Variants in ZNF438 observed in about 807,000 individuals in gnomAD.
ZNF438 encodes the protein zinc finger protein 438.
A neutral mutation model predicts 38.0 loss-of-function variants in ZNF438; 25 were observed. The observed-to-expected ratio is 0.66, with a 90% CI of 0.48 to 0.92. The LOEUF is 0.92. Among genes scored for constraint, ZNF438 ranks in the 40% least tolerant of loss-of-function variants. ZNF438 has a pLI of 0.00. For missense variants in ZNF438, 1,007 were observed against 999.6 expected (o/e 1.01, Z -0.10); for synonymous variants, 372 against 364.1 (o/e 1.02, Z -0.25).
At chr10:30,973,943 A>G (rs1388401622) in intron 1 of ZNF438, among the ~76,000 whole-genome samples, 1 of 152,218 alleles carries the variant, frequency 6.6e-6, no homozygotes, top group African/African-American at 2.4e-5. Context: ...CAGCTAGGGC[A>G]GCATCGTGTT....
chr10:31,026,171 A>G (rs2056925837), intron 1 of ZNF438, among the ~76,000 whole-genome samples: 1 of 152,224 alleles, frequency 6.6e-6, no homozygotes, highest in East Asian at 1.9e-4. Context: ...TTCAGGACAT[A>G]GGCATGGGCA....
intron 4 of ZNF438, among the ~76,000 whole-genome samples, chr10:30,869,927 T>G (rs1446662224): frequency 6.6e-6 from 1 of 152,230 alleles, no homozygotes; most frequent in African/African-American, 2.4e-5. Flanking sequence ...ACAGTGGTAC[T>G]CCTTGCTACT....
intron 1 of ZNF438, among the ~76,000 whole-genome samples, chr10:30,986,895 G>C (rs1400248698): frequency 6.6e-6 from 1 of 152,102 alleles, no homozygotes; most frequent in African/African-American, 2.4e-5. Context: ...AATTCTATTT[G>C]TTTTTACAGT....
intron 1 of ZNF438, among the ~76,000 whole-genome samples, chr10:31,013,035 C>A (rs1478219198): frequency 6.6e-6 from 1 of 151,942 alleles, no homozygotes; most frequent in East Asian, 1.9e-4. Context: ...AAATCCCCAA[C>A]TGGGCCGGGC....
rs369823706 is a variant in ZNF438 at position 30,995,474 on chromosome 10, C to T, written c.-192+36359G>A. On this transcript the variant is annotated intron_variant, in intron 1 of 5. Coordinates refer to ENST00000413025, the Ensembl canonical transcript of ZNF438. Reference sequence around the variant, plus strand: ...AAAAATAAAGACAGAAAATTTGTTGCTAGAATATCTGTTTCACAAGAAATA... The same window carrying T: ...AAAAATAAAGACAGAAAATTTGTTGTTAGAATATCTGTTTCACAAGAAATA... 3.3e-5 allele frequency among the ~76,000 whole-genome samples: 5 copies of T among 152,216 alleles called. No individual in the cohort carries two copies. In the East Asian group the frequency reaches 9.6e-4, roughly 29 times the overall value.
At chr10:30,875,848 T>C (rs1182545201) in intron 4 of ZNF438, among the ~76,000 whole-genome samples, 1 of 152,248 alleles carries the variant, frequency 6.6e-6, no homozygotes, top group Non-Finnish European at 1.5e-5. Flanking sequence ...GGCGGCCTCA[T>C]GGCCATCTCA....
At chr10:30,859,710 T>G (rs1038118980) in intron 4 of ZNF438, among the ~76,000 whole-genome samples, 1 of 152,336 alleles carries the variant, frequency 6.6e-6, no homozygotes, top group East Asian at 1.9e-4. Context: ...ATGGTGCAAG[T>G]AGTTCCTGCT....
chr10:30,857,440 A>T (rs192035792), intron 4 of ZNF438, among the ~76,000 whole-genome samples: 44 of 152,078 alleles, frequency 2.9e-4, no homozygotes, highest in African/African-American at 9.9e-4. Flanking sequence ...TTTTTAGTAG[A>T]GGCGGGGTTT....
At chr10:30,992,108 G>C (rs1420865321) in intron 1 of ZNF438, among the ~76,000 whole-genome samples, 1 of 152,170 alleles carries the variant, frequency 6.6e-6, no homozygotes, top group Non-Finnish European at 1.5e-5. Context: ...CTTGCCATCT[G>C]CAAGACCCTT....
intron 1 of ZNF438, among the ~76,000 whole-genome samples, chr10:30,955,456 T>C (rs760071083): frequency 3.9e-5 from 6 of 152,222 alleles, no homozygotes; most frequent in Non-Finnish European, 5.9e-5. Context: ...TTTAAGACGC[T>C]GGCAGCGTCC....
At chr10:31,020,978 A>G (rs1448662151) in intron 1 of ZNF438, among the ~76,000 whole-genome samples, 1 of 151,912 alleles carries the variant, frequency 6.6e-6, no homozygotes, top group African/African-American at 2.4e-5. Context: ...CCTACCTGGA[A>G]GGCAGGAATG....
chr10:30,854,656 G>A lies in ZNF438; in HGVS notation c.38-4289C>T, dbSNP rs2034301535. ...TAATTTTATTTATTGCCAGAATAAG[G>A]AGCTAATAATCAACTACCTACCTGA... On this transcript the variant is annotated intron_variant, in intron 4 of 5. Coordinates refer to ENST00000413025, the Ensembl canonical transcript of ZNF438. 2.0e-5 allele frequency among the ~76,000 whole-genome samples: 3 copies of A among 152,154 alleles called. No individual in the cohort carries two copies. In the South Asian group the frequency reaches 6.2e-4, roughly 32 times the overall value.
chr10:30,872,477 G>T (rs1191498232), intron 4 of ZNF438, among the ~76,000 whole-genome samples: 1 of 123,738 alleles, frequency 8.1e-6, no homozygotes, highest in African/African-American at 2.9e-5. Context: ...GAGGTCAGGC[G>T]CAGTGGCTGA....
intron 1 of ZNF438, among the ~76,000 whole-genome samples, chr10:30,951,361 C>T (rs923158531): frequency 1.3e-5 from 2 of 149,860 alleles, no homozygotes; most frequent in African/African-American, 2.4e-5. Context: ...CCCTCTCTCA[C>T]CACTCCTATT....
intron 1 of ZNF438, among the ~76,000 whole-genome samples, chr10:31,001,445 T>C (rs1415103099): frequency 6.6e-6 from 1 of 152,140 alleles, no homozygotes; most frequent in African/African-American, 2.4e-5. Flanking sequence ...CCCTATTTCC[T>C]GAGAGTTCAA....
exon 6 of ZNF438, chr10:30,845,035 A>G: frequency 6.2e-7 from 1 of 1,614,146 alleles, no homozygotes; most frequent in Non-Finnish European, 8.5e-7. Context: ...CACAGTTTGG[A>G]AGGGTCCTCA....
chr10:30,899,043 T>A (rs1328152278), intron 3 of ZNF438, among the ~76,000 whole-genome samples: 1 of 152,166 alleles, frequency 6.6e-6, no homozygotes, highest in Non-Finnish European at 1.5e-5. Context: ...ATTCTATCTT[T>A]TCTTTGCACA....
rs1041066683 is a variant in ZNF438 at position 30,893,138 on chromosome 10, C to A, written c.-32+15795G>T. On this transcript the variant is annotated intron_variant, in intron 3 of 5. Coordinates refer to ENST00000413025, the Ensembl canonical transcript of ZNF438. ...TTTATCTAACAACGCATGAAAGTGC[C>A]TCAAAACCATCACTTGCAAAAATTG... is the stretch of plus-strand genomic sequence containing the variant. Among the ~76,000 whole-genome samples the A allele has an allele frequency of 2.0e-5, 3 of 152,142 alleles. No individual in the cohort carries two copies. In the East Asian group the frequency reaches 5.8e-4, roughly 29 times the overall value.
intron 4 of ZNF438, among the ~76,000 whole-genome samples, chr10:30,861,252 G>C (rs969865633): frequency 1.3e-5 from 2 of 152,084 alleles, no homozygotes; most frequent in Non-Finnish European, 2.9e-5. Context: ...TTAATACCTA[G>C]TGCAATGTAA....
Sources: allele counts gnomAD v4.1 joint callset (sites outside exome capture counted in the v4.1 genomes callset), GRCh38; gene constraint gnomAD v4.1.1; transcripts MANE v1.5; gene names NCBI Gene and HGNC (gene_info 2026-07-23, HGNC 2026-07-21).